KHDRBS2: variants seen among roughly 807,000 people sequenced by gnomAD.
The protein encoded by KHDRBS2 is KH domain-containing, RNA-binding, signal transduction-associated protein 2.
In KHDRBS2, 26 loss-of-function variants were observed where a neutral mutation model predicts 44.3. The observed-to-expected ratio is 0.59, with a 90% CI of 0.43 to 0.81. KHDRBS2 has a LOEUF of 0.81. Ranked by LOEUF, KHDRBS2 falls within the 40% of genes least tolerant of loss-of-function variation. The pLI is 0.00. For synonymous variants in KHDRBS2, 194 were observed against 151.1 expected, an observed-to-expected ratio of 1.28 and a Z score of -2.08; for missense variants, 476 against 433.1, an observed-to-expected ratio of 1.10 and a Z score of -0.88.
chr6:61,713,380 A>AG (rs1770850970), intron 7 of KHDRBS2, among the ~76,000 whole-genome samples: 1 of 151,704 alleles, frequency 6.6e-6, no homozygotes, highest in African/African-American at 2.4e-5. Flanking sequence ...TCTATCCTAT[A>AG]TTTTTCCCAG....
chr6:61,951,012 A>C (rs1432562222), intron 4 of KHDRBS2, among the ~76,000 whole-genome samples: 1 of 152,018 alleles, frequency 6.6e-6, no homozygotes, highest in Admixed American at 6.6e-5. Context: ...CCAGGGAAGC[A>C]TGAGGCATGA....
At chr6:62,105,544 G>C (rs944676872) in intron 2 of KHDRBS2, among the ~76,000 whole-genome samples, 3 of 152,132 alleles carry the variant, frequency 2.0e-5, no homozygotes, top group South Asian at 2.1e-4. Flanking sequence ...ATTTCTTCTA[G>C]ATTTTCTAGT....
chr6:61,574,515 A>G, the KHDRBS2 span: 1 of 759,766 alleles, frequency 1.3e-6, no homozygotes. Flanking sequence ...GGCTGGGGCG[A>G]CCTCGGAGTA....
the KHDRBS2 span, among the ~76,000 whole-genome samples, chr6:61,569,331 AG>A: frequency 6.6e-6 from 1 of 152,174 alleles, no homozygotes; most frequent in African/African-American, 2.4e-5. Flanking sequence ...CACAAAAGAT[AG>A]ACTCTCTTAG....
chr6:62,222,250 G>A (rs892468786), intron 1 of KHDRBS2, among the ~76,000 whole-genome samples: 3 of 151,754 alleles, frequency 2.0e-5, no homozygotes, highest in African/African-American at 7.3e-5. Context: ...GAGAATGAGA[G>A]AGAGAGAGAG....
chr6:61,557,096 C>A, the KHDRBS2 span, among the ~76,000 whole-genome samples: 1 of 151,924 alleles, frequency 6.6e-6, no homozygotes, highest in African/African-American at 2.4e-5. Context: ...CCTCATGTAC[C>A]ACCTGAAATA....
At chr6:61,838,132 A>G (rs1358442966) in intron 6 of KHDRBS2, among the ~76,000 whole-genome samples, 1 of 152,086 alleles carries the variant, frequency 6.6e-6, no homozygotes, top group Non-Finnish European at 1.5e-5. Flanking sequence ...AGGATTAATC[A>G]AAGATTATCT....
chr6:62,069,916 T>A (rs1794590629), intron 2 of KHDRBS2, among the ~76,000 whole-genome samples: 1 of 151,936 alleles, frequency 6.6e-6, no homozygotes, highest in South Asian at 2.1e-4. Flanking sequence ...CACTAGTATC[T>A]ACATACATTT....
At chr6:62,271,992 T>C (rs1385382849) in intron 1 of KHDRBS2, among the ~76,000 whole-genome samples, 1 of 152,302 alleles carries the variant, frequency 6.6e-6, no homozygotes, top group African/African-American at 2.4e-5. Context: ...CTTACCACTA[T>C]TGACTAACTC....
the KHDRBS2 span, among the ~76,000 whole-genome samples, chr6:61,606,705 A>G: frequency 6.6e-6 from 1 of 152,176 alleles, no homozygotes; most frequent in Non-Finnish European, 1.5e-5. Context: ...CAGCCCTCAG[A>G]AAGAATAGTT....
At chr6:62,077,466 T>C (rs1796571327) in intron 2 of KHDRBS2, among the ~76,000 whole-genome samples, 1 of 152,062 alleles carries the variant, frequency 6.6e-6, no homozygotes, top group South Asian at 2.1e-4. Context: ...GCATTCCTAG[T>C]TCCAGGGACC....
At chr6:61,847,039 A>C (rs1204188757) in intron 6 of KHDRBS2, among the ~76,000 whole-genome samples, 5 of 152,132 alleles carry the variant, frequency 3.3e-5, no homozygotes, top group South Asian at 2.1e-4. Flanking sequence ...ACATTTATTA[A>C]GAAAAATTTT....
At position 62,285,931 on chromosome 6, in the gene KHDRBS2, A is replaced by C; in HGVS notation, c.18T>G (p.Tyr6Ter). The C allele has an allele frequency of 1.9e-6, 3 of 1,612,132 alleles. No individual in the cohort carries two copies. Among genetic ancestry groups the C allele is most frequent in the Non-Finnish European group, 2.5e-6 (3 of 1,178,658 alleles). Residue 6 changes from tyrosine (Y) to a stop codon, truncating the protein, a stop_gained, in exon 1 of 9, where the codon TAT (tyrosine) becomes TAG (stop). Coordinates refer to ENST00000281156, the MANE Select transcript of KHDRBS2 (RefSeq NM_152688.4). LOFTEE classifies it high-confidence loss of function. The part of the protein sequence containing the change: MEEEK[Y>*]LPELMAEKDS... ...CTTTCTCTGCCATCAGCTCAGGCAA[A>C]TATTTCTCCTCTTCCATAGCGCGGA...
In KHDRBS2 at chr6:61,903,823, C is replaced by G. The variant is rs1019710450; in HGVS notation, c.484-2452G>C. 2.0e-5 allele frequency among the ~76,000 whole-genome samples: 3 copies of G among 152,084 alleles called. No individual in the cohort carries two copies. The East Asian group carries it at 5.8e-4, about 29-fold the overall frequency. On this transcript the variant is annotated intron_variant, in intron 4 of 8. Coordinates refer to ENST00000281156, the MANE Select transcript of KHDRBS2 (RefSeq NM_152688.4). ...TAGCTTTCTGAAGGATGAGAGGTAA[C>G]GTGAAGAAAGGCTCCAGTCATCCCT...
At chr6:62,014,021 G>GTCAATCAAAA (rs1367265450) in intron 3 of KHDRBS2, among the ~76,000 whole-genome samples, 1 of 152,162 alleles carries the variant, frequency 6.6e-6, no homozygotes, top group Non-Finnish European at 1.5e-5. Context: ...AGTTTTGATT[G>GTCAATCAAAA]ACAGGTCTGA....
At chr6:61,652,207 T>TAC in the KHDRBS2 span, 2 of 152,156 alleles carry the variant, frequency 1.3e-5, no homozygotes, top group Non-Finnish European at 2.9e-5. Flanking sequence ...CTGTCGTAGA[T>TAC]ACATTCGTTC....
intron 1 of KHDRBS2, among the ~76,000 whole-genome samples, chr6:62,230,349 A>G (rs968700054): frequency 6.6e-6 from 1 of 152,252 alleles, no homozygotes; most frequent in African/African-American, 2.4e-5. Flanking sequence ...TAAGTGACTC[A>G]TAGGCTCTCT....
Position 61,982,893 on chromosome 6 carries a change from C to A in KHDRBS2, c.337-4681G>T, listed in dbSNP as rs919065330. On this transcript the variant is annotated intron_variant, in intron 3 of 8. Transcript: ENST00000281156. ...TCCTGTTTTCTGAATTTAAGGAACT[C>A]TTTTCTCTTTTCTCAAGCTATTTAT... Among the ~76,000 whole-genome samples the A allele has an allele frequency of 9.9e-5, 15 of 152,032 alleles. 1 individual carries two copies. The highest frequency in any genetic ancestry group is 4.8e-5 in the African/African-American group (2 of 41,408).
intron 3 of KHDRBS2, among the ~76,000 whole-genome samples, chr6:61,992,943 T>C (rs1322280809): frequency 6.6e-6 from 1 of 152,150 alleles, no homozygotes; most frequent in Non-Finnish European, 1.5e-5. Flanking sequence ...TGCGAACCTG[T>C]AAGAGACGGC....
Sources: allele counts gnomAD v4.1 joint callset (sites outside exome capture counted in the v4.1 genomes callset), GRCh38; gene constraint gnomAD v4.1.1; transcripts MANE v1.5; gene names NCBI Gene and HGNC (gene_info 2026-07-23, HGNC 2026-07-21).